Variants in GSK3B observed in about 807,000 individuals in gnomAD.
GSK3B encodes the protein glycogen synthase kinase-3 beta.
GSK3B carries 15 observed loss-of-function variants against 56.4 expected under a neutral mutation model. The ratio of observed to expected loss-of-function variants is 0.27; its 90% CI spans 0.18 to 0.41. The LOEUF is 0.41. GSK3B is among the 10% of genes least tolerant of loss of function. The pLI is 1.00. For synonymous variants in GSK3B, 181 were observed against 188.9 expected (o/e 0.96, Z 0.34); for missense variants, 300 against 513.4 (o/e 0.58, Z 4.02).
intron 2 of GSK3B, among the ~76,000 whole-genome samples, chr3:119,984,621 C>T (rs2057497025): frequency 6.6e-6 from 1 of 151,976 alleles, no homozygotes; most frequent in Non-Finnish European, 1.5e-5. Flanking sequence ...CAAGAAGAAA[C>T]AGATAAATTC....
Position 120,093,500 on chromosome 3 carries a change from G to T in GSK3B, c.-66C>A. On this transcript the variant is annotated 5_prime_UTR_variant, in exon 1 of 11. Coordinates refer to ENST00000264235, the MANE Select transcript of GSK3B (RefSeq NM_001146156.2). ...TTTTCTTCCTTTTGTCTTTATGTTG[G>T]GGTGTTAGGTTAACGATAAATGCAG... The T allele has an allele frequency of 9.6e-7, 1 of 1,039,888 alleles. No individual in the cohort carries two copies. Among genetic ancestry groups the T allele is most frequent in the South Asian group, 1.3e-5 (1 of 78,902 alleles). The allele number at this position is 1,039,888 out of a possible 1,614,324, so 64.4% of individuals were successfully genotyped here. A position where few individuals can be genotyped will look rare whatever the true frequency, so the allele number is the denominator to read the frequency against.
intron 9 of GSK3B, among the ~76,000 whole-genome samples, chr3:119,858,315 A>G (rs2056049570): frequency 6.6e-6 from 1 of 152,232 alleles, no homozygotes; most frequent in East Asian, 1.9e-4. Context: ...CTCCACTGAA[A>G]ATCTGTTGGT....
intron 7 of GSK3B, among the ~76,000 whole-genome samples, chr3:119,887,346 A>G (rs571470751): frequency 6.6e-6 from 1 of 152,222 alleles, no homozygotes; most frequent in African/African-American, 2.4e-5. Flanking sequence ...AGAAGAGAAA[A>G]AATCAAAAGT....
At chr3:119,991,352 G>GA (rs1431614579) in intron 2 of GSK3B, among the ~76,000 whole-genome samples, 1 of 151,778 alleles carries the variant, frequency 6.6e-6, no homozygotes, top group Non-Finnish European at 1.5e-5. Flanking sequence ...ACAACAGTGG[G>GA]AAAAAAATAA....
Position 120,019,428 on chromosome 3 carries a change from T to G in GSK3B, c.89-17189A>C, listed in dbSNP as rs542346250. Reference sequence around the variant, plus strand: ...TTGCTCTCCTCCATCAGGAATCATTTGCATGTTATACTCTACCCCTATTCC... The same window carrying G: ...TTGCTCTCCTCCATCAGGAATCATTGGCATGTTATACTCTACCCCTATTCC... On this transcript the variant is annotated intron_variant, in intron 1 of 10. Coordinates refer to ENST00000264235, the MANE Select transcript of GSK3B (RefSeq NM_001146156.2). Among the ~76,000 whole-genome samples, 12 of 152,382 alleles carry G rather than the reference T, an allele frequency of 7.9e-5. No homozygotes were observed. In the East Asian group the frequency reaches 2.1e-3, roughly 27 times the overall value.
At chr3:120,061,898 A>G (rs752180666) in intron 1 of GSK3B, among the ~76,000 whole-genome samples, 1 of 151,582 alleles carries the variant, frequency 6.6e-6, no homozygotes, top group Non-Finnish European at 1.5e-5. Flanking sequence ...ACGCGCAGCT[A>G]ATTTTGTACT....
intron 3 of GSK3B, among the ~76,000 whole-genome samples, chr3:119,940,260 G>A (rs2057035678): frequency 6.6e-6 from 1 of 151,802 alleles, no homozygotes; most frequent in Admixed American, 6.6e-5. Context: ...ATTTGCTTGA[G>A]GACACATAGC....
chr3:120,002,334 TTTTTA>T (rs1478669012), intron 1 of GSK3B, 95 bp from the exon 2 acceptor site: 27 of 588,244 alleles, frequency 4.6e-5, no homozygotes, highest in Middle Eastern at 4.1e-4. Flanking sequence ...TATTCTTTAT[TTTTTA>T]TTTTATTTTT....
chr3:120,006,780 C>T (rs1444786352), intron 1 of GSK3B, among the ~76,000 whole-genome samples: 16 of 152,018 alleles, frequency 1.1e-4, no homozygotes, highest in African/African-American at 3.9e-4. Context: ...TAGAGGGAAA[C>T]TTAGAGCACT....
intron 3 of GSK3B, among the ~76,000 whole-genome samples, chr3:119,931,022 C>G (rs2056940482): frequency 6.6e-6 from 1 of 152,154 alleles, no homozygotes; most frequent in Non-Finnish European, 1.5e-5. Context: ...TACAAATGTT[C>G]TAATGTAAAA....
At chr3:119,936,705 T>C (rs962433563) in intron 3 of GSK3B, among the ~76,000 whole-genome samples, 6 of 151,834 alleles carry the variant, frequency 4.0e-5, no homozygotes, top group African/African-American at 1.5e-4. Context: ...AACAATTATA[T>C]ACACAAATGC....
At chr3:119,861,510 C>CAAAAAA (rs550145796) in intron 9 of GSK3B, among the ~76,000 whole-genome samples, 1 of 74,062 alleles carries the variant, frequency 1.4e-5, no homozygotes, top group Non-Finnish European at 2.9e-5. Flanking sequence ...GACTCCGTCT[C>CAAAAAA]AAAAAAAAAA....
chr3:120,093,792 C>A lies in GSK3B; in HGVS notation c.-358G>T, dbSNP rs994089361. On this transcript the variant is annotated 5_prime_UTR_variant, in exon 1 of 11. Coordinates refer to ENST00000264235, the MANE Select transcript of GSK3B (RefSeq NM_001146156.2). The stretch of plus-strand genomic sequence containing the variant: ...GCAAATACTTGATTGAAAATGAGTA[C>A]TTCGAATATTATATTTTCCTCGGGG... 3 of 252,100 alleles carry A rather than the reference C, an allele frequency of 1.2e-5. No homozygotes were observed. The highest frequency in any genetic ancestry group is 6.6e-5 in the African/African-American group (3 of 45,582). The allele number at this position is 252,100 out of a possible 1,614,324, so 15.6% of individuals were successfully genotyped here. A position where few individuals can be genotyped will look rare whatever the true frequency, so the allele number is the denominator to read the frequency against.
At chr3:120,004,448 G>T (rs2057708324) in intron 1 of GSK3B, among the ~76,000 whole-genome samples, 1 of 152,194 alleles carries the variant, frequency 6.6e-6, no homozygotes, top group Non-Finnish European at 1.5e-5. Flanking sequence ...CTCCCGATAA[G>T]GGACAGACTG....
At chr3:119,833,815 C>T (rs992304154) in intron 10 of GSK3B, among the ~76,000 whole-genome samples, 6 of 151,278 alleles carry the variant, frequency 4.0e-5, no homozygotes, top group East Asian at 1.9e-4. Flanking sequence ...CCTGGCTTCC[C>T]GAGTAGCTGG....
chr3:120,041,253 C>T (rs2058062847), intron 1 of GSK3B: 2 of 251,020 alleles, frequency 8.0e-6, no homozygotes, highest in Admixed American at 4.1e-5. Flanking sequence ...CGGCTCCAAG[C>T]AGCTGGGCAT....
rs556408172 is a variant in GSK3B, at chr3:120,047,783, A to G, written c.89-45544T>C. On this transcript the variant is annotated intron_variant, in intron 1 of 10. Transcript: ENST00000264235. Reference sequence around the variant, plus strand: ...CAATATTTTAAAAACAAAGCAACATAACTGGTAGGGTATTTGTTGACTGGG... The same window carrying G: ...CAATATTTTAAAAACAAAGCAACATGACTGGTAGGGTATTTGTTGACTGGG... 2.0e-5 allele frequency among the ~76,000 whole-genome samples: 3 copies of G among 152,356 alleles called. No individual in the cohort carries two copies. The South Asian group carries it at 6.2e-4, about 32-fold the overall frequency.
In GSK3B at chr3:120,093,357, C is replaced by T. The variant is rs763333358; in HGVS notation, c.78G>A (p.Met26Ile). Residue 26 changes from methionine to isoleucine, a missense_variant, in exon 1 of 11, where the codon ATG becomes ATA. By Grantham distance (10) the Met-to-Ile change is conservative. This residue lies in a region of GSK3B where 53 missense variants were observed against 64.6 expected (regional missense o/e 0.82). Coordinates refer to ENST00000264235, the MANE Select transcript of GSK3B (RefSeq NM_001146156.2). The part of the protein sequence containing the change: ...PVQQPSAFGS[M>I]KVSRDKDGSK... Reference sequence around the variant, plus strand: ...AAAACCAATACTCACTGCTAACTTTCATGCTGCCAAAAGCTGAAGGCTGCT... The same window carrying T: ...AAAACCAATACTCACTGCTAACTTTTATGCTGCCAAAAGCTGAAGGCTGCT... 6.2e-7 allele frequency: 1 copy of T among 1,611,776 alleles called. No homozygotes were observed. Among genetic ancestry groups the T allele is most frequent in the Admixed American group, 1.7e-5 (1 of 60,010 alleles).
rs189222309 is a variant in GSK3B, at chr3:119,874,393, T to C, written c.909+2020A>G. Among the ~76,000 whole-genome samples the C allele has an allele frequency of 2.2e-4, 33 of 152,168 alleles. No individual in the cohort carries two copies. The East Asian group carries it at 5.4e-3, about 25-fold the overall frequency. ...ATAACTAATAATAAAATAGAATAAT[T>C]AGAATAATATCTATAATAAAATAAT... On this transcript the variant is annotated intron_variant, in intron 8 of 10. Transcript: ENST00000264235.
Sources: allele counts gnomAD v4.1 joint callset (sites outside exome capture counted in the v4.1 genomes callset), GRCh38; gene constraint gnomAD v4.1.1; regional missense constraint gnomAD v4.1.1; transcripts MANE v1.5; gene names NCBI Gene and HGNC (gene_info 2026-07-23, HGNC 2026-07-21).